The following KDM4C variants were observed in gnomAD, a reference collection of about 807,000 sequenced individuals.
KDM4C encodes the protein lysine-specific demethylase 4C.
Under a neutral mutation model 129.3 loss-of-function variants are expected in KDM4C, and 81 were observed. The ratio of observed to expected loss-of-function variants is 0.63; its 90% CI spans 0.52 to 0.75. The LOEUF is 0.75. Among genes scored for constraint, KDM4C ranks in the 30% least tolerant of loss-of-function variants. The probability of loss-of-function intolerance (pLI) is 0.00; values close to 1 mark genes in which losing one functional copy is unlikely to be tolerated. For synonymous variants in KDM4C, 573 were observed against 456.1 expected (o/e 1.26, Z -3.26); for missense variants, 1,457 against 1,304.0 (o/e 1.12, Z -1.81).
chr9:7,026,471 T>C (rs897040064), intron 15 of KDM4C, among the ~76,000 whole-genome samples: 1 of 152,132 alleles, frequency 6.6e-6, no homozygotes, highest in African/African-American at 2.4e-5. Flanking sequence ...TGGAGCTCCA[T>C]TGAATGTTAT....
At chr9:7,061,024 G>A (rs761779373) in intron 17 of KDM4C, among the ~76,000 whole-genome samples, 1 of 151,968 alleles carries the variant, frequency 6.6e-6, no homozygotes, top group Non-Finnish European at 1.5e-5. Context: ...ATTGTCATTT[G>A]CCTCTAAAGA....
intron 4 of KDM4C, among the ~76,000 whole-genome samples, chr9:6,839,953 C>G (rs1389037953): frequency 6.6e-6 from 1 of 151,796 alleles, no homozygotes; most frequent in Non-Finnish European, 1.5e-5. Context: ...CACCATGTCA[C>G]AATGCTGAAA....
At chr9:7,150,901 G>A (rs1205916645) in intron 19 of KDM4C, among the ~76,000 whole-genome samples, 2 of 152,116 alleles carry the variant, frequency 1.3e-5, no homozygotes, top group Non-Finnish European at 2.9e-5. Context: ...TACCTCTGAG[G>A]CTTAATGCTA....
intron 8 of KDM4C, among the ~76,000 whole-genome samples, chr9:6,962,946 C>T (rs898839826): frequency 6.6e-6 from 1 of 152,136 alleles, no homozygotes; most frequent in Non-Finnish European, 1.5e-5. Flanking sequence ...TTACAAGATA[C>T]ATATAAGCTG....
At chr9:7,075,321 CAT>C (rs1012237835) in intron 17 of KDM4C, among the ~76,000 whole-genome samples, 10 of 152,288 alleles carry the variant, frequency 6.6e-5, no homozygotes, top group African/African-American at 1.4e-4. Flanking sequence ...GGTTTCATCA[CAT>C]GTGTTTTGTC....
At chr9:7,060,369 C>G (rs1201872350) in intron 17 of KDM4C, among the ~76,000 whole-genome samples, 1 of 151,350 alleles carries the variant, frequency 6.6e-6, no homozygotes, top group Non-Finnish European at 1.5e-5. Context: ...AACTGTTCTT[C>G]TCCCTCTCCC....
chr9:6,935,565 G>A (rs933445200), intron 8 of KDM4C, among the ~76,000 whole-genome samples: 7 of 149,938 alleles, frequency 4.7e-5, no homozygotes, highest in East Asian at 2.0e-4. Context: ...TTACAGGTGC[G>A]CGCCACCACG....
At chr9:6,778,221 C>T (rs1173796188) in intron 1 of KDM4C, among the ~76,000 whole-genome samples, 1 of 151,624 alleles carries the variant, frequency 6.6e-6, no homozygotes, top group Non-Finnish European at 1.5e-5. Flanking sequence ...TTCTGAGTAG[C>T]TAGGATTACA....
intron 4 of KDM4C, among the ~76,000 whole-genome samples, chr9:6,847,518 G>A (rs1440452482): frequency 6.6e-6 from 1 of 152,020 alleles, no homozygotes; most frequent in African/African-American, 2.4e-5. Context: ...AGCCTCCCGA[G>A]TGGCTGGGAC....
At chr9:7,013,131 AAAT>A (rs1289467003) in intron 13 of KDM4C, among the ~76,000 whole-genome samples, 16 of 152,310 alleles carry the variant, frequency 1.1e-4, no homozygotes, top group South Asian at 6.2e-4. Flanking sequence ...ATTCAAACTA[AAAT>A]AATAAGATTT....
chr9:6,833,142 C>G (rs1470969838), intron 4 of KDM4C, among the ~76,000 whole-genome samples: 1 of 151,858 alleles, frequency 6.6e-6, no homozygotes, highest in African/African-American at 2.4e-5. Context: ...GATAATTGAT[C>G]TCCTTTAAAG....
intron 17 of KDM4C, among the ~76,000 whole-genome samples, chr9:7,084,231 C>A (rs911256833): frequency 6.6e-6 from 1 of 152,166 alleles, no homozygotes; most frequent in Non-Finnish European, 1.5e-5. Context: ...CTACATGGTG[C>A]CACCATCTCT....
At chr9:6,837,211 T>A (rs1388786022) in intron 4 of KDM4C, among the ~76,000 whole-genome samples, 2 of 152,114 alleles carry the variant, frequency 1.3e-5, no homozygotes, top group Non-Finnish European at 2.9e-5. Context: ...GCTTGCACCA[T>A]CATACCCAAC....
intron 18 of KDM4C, among the ~76,000 whole-genome samples, chr9:7,108,121 C>T (rs751272813): frequency 2.6e-5 from 4 of 152,188 alleles, no homozygotes; most frequent in Non-Finnish European, 5.9e-5. Flanking sequence ...AGCTCCCGTT[C>T]TAGAAACTTG....
At chr9:7,108,055 G>A (rs937394001) in intron 18 of KDM4C, among the ~76,000 whole-genome samples, 2 of 152,160 alleles carry the variant, frequency 1.3e-5, no homozygotes, top group Admixed American at 6.5e-5. Flanking sequence ...ATTCAGAGCA[G>A]TGTTTTTTGT....
chr9:7,040,381 G>GTGTGTCTGTGTGTGTGTGTGTGTGTC (rs56249522), intron 15 of KDM4C, among the ~76,000 whole-genome samples: 1 of 140,572 alleles, frequency 7.1e-6, no homozygotes, highest in Non-Finnish European at 1.5e-5. Context: ...GTGTGTGTGT[G>GTGTGTCTGTGTGTGTGTGTGTGTGTC]TGTGTGTGTG....
chr9:6,730,466 T>A (rs1228566107), intron 1 of KDM4C, among the ~76,000 whole-genome samples: 2 of 151,076 alleles, frequency 1.3e-5, no homozygotes, highest in Non-Finnish European at 3.0e-5. Flanking sequence ...ATACAAAAAA[T>A]TAGCTGGGCG....
intron 8 of KDM4C, among the ~76,000 whole-genome samples, chr9:6,958,889 C>G (rs917332407): frequency 2.0e-5 from 3 of 152,040 alleles, no homozygotes; most frequent in African/African-American, 7.2e-5. Flanking sequence ...CTCAAGCGAT[C>G]CACCTGCCTT....
At chr9:7,021,099 C>T (rs1453067058) in intron 15 of KDM4C, among the ~76,000 whole-genome samples, 1 of 148,648 alleles carries the variant, frequency 6.7e-6, no homozygotes, top group Non-Finnish European at 1.5e-5. Context: ...ACCTGTTTGT[C>T]ATTTGTACAT....
Sources: gnomAD v4.1 joint callset for allele counts (sites outside exome capture counted in the v4.1 genomes callset) on GRCh38, gnomAD v4.1.1 for gene constraint, MANE v1.5 for transcripts, NCBI Gene and HGNC (gene_info 2026-07-23, HGNC 2026-07-21) for gene names.